Variants in PHACTR1 observed in about 807,000 individuals in gnomAD.
The protein encoded by PHACTR1 is RPEL repeat containing 1.
In PHACTR1, 16 loss-of-function variants were observed where a neutral mutation model predicts 69.2. That is an observed-to-expected ratio of 0.23 (90% CI 0.16 to 0.35). The LOEUF (loss-of-function observed/expected upper bound fraction) is 0.35, where lower values mean the gene tolerates loss of function less well. Ranked by LOEUF, PHACTR1 falls within the 10% of genes least tolerant of loss-of-function variation. The pLI is 1.00. For synonymous variants in PHACTR1, 312 were observed against 284.5 expected (o/e 1.10, Z -0.97); for missense variants, 510 against 734.7 (o/e 0.69, Z 3.54).
In PHACTR1 at chr6:12,944,787, ATTT is replaced by A. The variant is rs67157877; in HGVS notation, c.251-108567_251-108565del. On this transcript the variant is annotated intron_variant, in intron 4 of 14. Transcript: ENST00000332995. ...TTTATTTATTTATTTATTTTTATTT[ATTT>A]TTTTTTTTTTGAGACGGAGTCTGGC... 2.6e-5 allele frequency among the ~76,000 whole-genome samples: 3 copies of A among 116,396 alleles called. No individual in the cohort carries two copies. In the East Asian group the frequency reaches 6.3e-4, roughly 25 times the overall value. The allele number at this position is 116,396 out of a possible 152,430, so 76.4% of individuals were successfully genotyped here. A position where few individuals can be genotyped will look rare whatever the true frequency, so the allele number is the denominator to read the frequency against.
intron 4 of PHACTR1, among the ~76,000 whole-genome samples, chr6:12,788,580 G>T (rs939827291): frequency 6.6e-6 from 1 of 152,126 alleles, no homozygotes; most frequent in Non-Finnish European, 1.5e-5. Flanking sequence ...TGCAATAGTT[G>T]TTATTATCCT....
Position 13,125,884 on chromosome 6 carries a change from C to T in PHACTR1, c.416-34320C>T, listed in dbSNP as rs192197174. Among the ~76,000 whole-genome samples the T allele has an allele frequency of 5.1e-4, 78 of 151,966 alleles. 2 individuals carry two copies. The East Asian group carries it at 0.01, about 20-fold the overall frequency. ...AGTTGAGGCTGCAGTGAGCCATGAT[C>T]GTACCACTACGCTCCATCCTGGGCA... is the stretch of plus-strand genomic sequence containing the variant. On this transcript the variant is annotated intron_variant, in intron 5 of 14. Transcript: ENST00000332995.
At chr6:12,921,600 G>A (rs1787681510) in intron 4 of PHACTR1, among the ~76,000 whole-genome samples, 1 of 127,754 alleles carries the variant, frequency 7.8e-6, no homozygotes, top group African/African-American at 3.0e-5. Context: ...AAGGGAGGAA[G>A]GGAGGAAGGA....
chr6:12,751,764 C>G (rs1009532864), intron 4 of PHACTR1, among the ~76,000 whole-genome samples: 1 of 152,170 alleles, frequency 6.6e-6, no homozygotes, highest in Non-Finnish European at 1.5e-5. Context: ...TCAGTCCCTT[C>G]TATATGTCCC....
At chr6:13,200,873 C>T (rs950585145) in intron 7 of PHACTR1, among the ~76,000 whole-genome samples, 3 of 147,758 alleles carry the variant, frequency 2.0e-5, no homozygotes, top group South Asian at 4.3e-4. Context: ...AACCCGGGAG[C>T]GGGAGGTTGC....
At chr6:12,843,936 A>G (rs902759675) in intron 4 of PHACTR1, among the ~76,000 whole-genome samples, 3 of 152,236 alleles carry the variant, frequency 2.0e-5, no homozygotes, top group African/African-American at 4.8e-5. Context: ...ATAATTTTAA[A>G]GTCAAACAGA....
intron 4 of PHACTR1, among the ~76,000 whole-genome samples, chr6:12,968,939 C>T (rs767917320): frequency 2.6e-5 from 4 of 151,920 alleles, no homozygotes; most frequent in Non-Finnish European, 4.4e-5. Context: ...TAGAATCTCC[C>T]GGGGATTCTG....
rs4053019 is a variant in PHACTR1, at chr6:13,179,405, CGTGTGTGTGTGT to C, written c.497-3085_497-3074del. Among the ~76,000 whole-genome samples, 21 of 142,054 alleles carry C rather than the reference CGTGTGTGTGTGT, an allele frequency of 1.5e-4. No homozygotes were observed. Among genetic ancestry groups the C allele is most frequent in the South Asian group, 7.0e-4 (3 of 4,262 alleles). 93.2% of individuals were successfully genotyped at this position (142,054 alleles called of 152,430 possible). A position where few individuals can be genotyped will look rare whatever the true frequency, so the allele number is the denominator to read the frequency against. On this transcript the variant is annotated intron_variant, in intron 6 of 14. Transcript: ENST00000332995. The surrounding 1 kb of genome is among the most constrained non-coding windows in gnomAD (Gnocchi z 4.2). Reference sequence around the variant, plus strand: ...TATACAGCCCATTACATTAATGTTTCGTGTGTGTGTGTGTGTGTGTGTGTGTGTGTGTGTGTG... The same window carrying C: ...TATACAGCCCATTACATTAATGTTTCGTGTGTGTGTGTGTGTGTGTGTGTG...
chr6:13,214,214 C>A (rs1246761683), intron 8 of PHACTR1: 1 of 98,212 alleles, frequency 1.0e-5, no homozygotes, highest in East Asian at 2.1e-4. Flanking sequence ...CTTGCGCTTT[C>A]CCCTGAAAAA....
chr6:13,083,744 T>C (rs1291769223), intron 5 of PHACTR1, among the ~76,000 whole-genome samples: 7 of 152,114 alleles, frequency 4.6e-5, no homozygotes, highest in East Asian at 1.9e-4. Context: ...TGGCTCTCTG[T>C]TTGTCTGTTA....
At chr6:12,839,211 T>C (rs1157521898) in intron 4 of PHACTR1, among the ~76,000 whole-genome samples, 1 of 152,068 alleles carries the variant, frequency 6.6e-6, no homozygotes, top group Admixed American at 6.6e-5. Flanking sequence ...AAGATGCAAA[T>C]AAGAAGGCTA....
At chr6:12,880,410 A>G (rs933416488) in intron 4 of PHACTR1, among the ~76,000 whole-genome samples, 2 of 151,932 alleles carry the variant, frequency 1.3e-5, no homozygotes, top group Admixed American at 6.6e-5. Flanking sequence ...ACAGGCACAC[A>G]CTACCTGGCT....
chr6:13,128,027 G>A (rs1204368810), intron 5 of PHACTR1, among the ~76,000 whole-genome samples: 1 of 150,878 alleles, frequency 6.6e-6, no homozygotes, highest in East Asian at 2.0e-4. Context: ...TGAGCAAAAG[G>A]AGGAAAAGCC....
chr6:13,114,899 A>C (rs116231080), intron 5 of PHACTR1, among the ~76,000 whole-genome samples: 1 of 152,246 alleles, frequency 6.6e-6, no homozygotes, highest in Non-Finnish European at 1.5e-5. Flanking sequence ...AGCACTTACT[A>C]TATCCCAGAC....
chr6:13,079,782 G>C (rs900840989), intron 5 of PHACTR1, among the ~76,000 whole-genome samples: 2 of 152,102 alleles, frequency 1.3e-5, no homozygotes, highest in Non-Finnish European at 2.9e-5. Context: ...AAAAGTAGCA[G>C]TGTGATATAC....
At chr6:13,159,082 A>G (rs998604740) in intron 5 of PHACTR1, among the ~76,000 whole-genome samples, 6 of 151,766 alleles carry the variant, frequency 4.0e-5, no homozygotes, top group African/African-American at 1.2e-4. Flanking sequence ...GCAGCCCCTC[A>G]TTTCCTCACT....
intron 4 of PHACTR1, among the ~76,000 whole-genome samples, chr6:12,977,870 CT>C (rs1795078452): frequency 6.6e-6 from 1 of 152,188 alleles, no homozygotes; most frequent in Non-Finnish European, 1.5e-5. Context: ...CAGCCTCCCC[CT>C]GTTGAAATAA....
At chr6:13,092,285 C>T (rs1159094902) in intron 5 of PHACTR1, among the ~76,000 whole-genome samples, 1 of 152,134 alleles carries the variant, frequency 6.6e-6, no homozygotes, top group Admixed American at 6.5e-5. Flanking sequence ...GTTGGGGACC[C>T]CTGGCTTAGG....
At chr6:13,137,117 C>T (rs1299468828) in intron 5 of PHACTR1, among the ~76,000 whole-genome samples, 1 of 152,172 alleles carries the variant, frequency 6.6e-6, no homozygotes, top group African/African-American at 2.4e-5. Flanking sequence ...AGCACTAAGA[C>T]AAGGTACGCT....
Sources: gnomAD v4.1 joint callset for allele counts (sites outside exome capture counted in the v4.1 genomes callset) on GRCh38, gnomAD v4.1.1 for gene constraint, Gnocchi (gnomAD v3.1) non-coding constraint, MANE v1.5 for transcripts, NCBI Gene and HGNC (gene_info 2026-07-23, HGNC 2026-07-21) for gene names.